SPRY3: variants seen among roughly 807,000 people sequenced by gnomAD.
The protein encoded by SPRY3 is sprouty RTK signaling antagonist 3, also known as protein sprouty homolog 3.
Under a neutral mutation model 20.2 loss-of-function variants are expected in SPRY3, and 15 were observed. That is an observed-to-expected ratio of 0.74 (90% CI 0.50 to 1.14). SPRY3 has a LOEUF of 1.14. SPRY3 is among the 50% of genes most tolerant of loss of function. The pLI is 0.00. For missense variants in SPRY3, 364 were observed against 363.9 expected (o/e 1.00, Z 0.00); for synonymous variants, 143 against 136.5 (o/e 1.05, Z -0.33).
intron 2 of SPRY3, among the ~76,000 whole-genome samples, chrX:155,757,853 G>T (rs1291194257): frequency 6.6e-6 from 1 of 152,158 alleles, no homozygotes; most frequent in Non-Finnish European, 1.5e-5. Flanking sequence ...GTGGTCACAT[G>T]AGATGGGTGC....
At chrX:155,670,824 C>T (rs1250136807) in intron 2 of SPRY3, among the ~76,000 whole-genome samples, 2 of 111,711 alleles carry the variant, frequency 1.8e-5, no homozygotes, top group Admixed American at 9.5e-5. Flanking sequence ...TAAGGCAGAA[C>T]GAGGGCTACA....
chrX:155,765,056 T>A (rs1360297960), intron 2 of SPRY3, among the ~76,000 whole-genome samples: 1 of 152,174 alleles, frequency 6.6e-6, no homozygotes, highest in Admixed American at 6.5e-5. Flanking sequence ...ATAAGAGAAC[T>A]AATCCCATTC....
chrX:155,662,870 C>T (rs781786624), intron 2 of SPRY3, among the ~76,000 whole-genome samples: 2 of 110,953 alleles, frequency 1.8e-5, no homozygotes, highest in Non-Finnish European at 3.8e-5. Context: ...GGTGACATCA[C>T]CTAATTCCCC....
chrX:155,736,700 G>A (rs1291219676), intron 2 of SPRY3, among the ~76,000 whole-genome samples: 6 of 151,736 alleles, frequency 4.0e-5, no homozygotes, highest in African/African-American at 7.3e-5. Context: ...CTCCTGCTTG[G>A]TATTCACTGA....
At chrX:155,753,339 TTATAA>T (rs1352520708) in intron 2 of SPRY3, among the ~76,000 whole-genome samples, 4 of 151,840 alleles carry the variant, frequency 2.6e-5, no homozygotes, top group African/African-American at 9.7e-5. Flanking sequence ...TAAATGAATA[TTATAA>T]TATATGACCT....
At chrX:155,615,359 C>T (rs1280567664) in intron 1 of SPRY3, among the ~76,000 whole-genome samples, 1 of 112,225 alleles carries the variant, frequency 8.9e-6, no homozygotes, top group African/African-American at 3.2e-5. Context: ...TTATCAGCCT[C>T]TCAGTGAAGC....
At chrX:155,713,213 CT>C (rs1449957632) in intron 2 of SPRY3, among the ~76,000 whole-genome samples, 7 of 151,924 alleles carry the variant, frequency 4.6e-5, no homozygotes, top group African/African-American at 1.7e-4. Context: ...ATTATTTATT[CT>C]TTCTATGTAA....
chrX:155,758,643 A>G (rs1256116062), intron 2 of SPRY3, among the ~76,000 whole-genome samples: 1 of 152,128 alleles, frequency 6.6e-6, no homozygotes, highest in African/African-American at 2.4e-5. Flanking sequence ...CAGGCTCTCA[A>G]ATGGATTTGG....
intron 3 of SPRY3, among the ~76,000 whole-genome samples, chrX:155,772,171 G>A (rs1176755724): frequency 1.3e-5 from 2 of 152,180 alleles, no homozygotes; most frequent in Non-Finnish European, 1.5e-5. Context: ...GTTCTTTGAT[G>A]TGATATGCCA....
chrX:155,769,780 A>T (rs1361322257), intron 3 of SPRY3, among the ~76,000 whole-genome samples: 1 of 152,194 alleles, frequency 6.6e-6, no homozygotes, highest in Non-Finnish European at 1.5e-5. Flanking sequence ...CAAAGTGACA[A>T]GTTAAGAGTT....
At chrX:155,673,252 A>C (rs913805247) in intron 2 of SPRY3, among the ~76,000 whole-genome samples, 3 of 108,091 alleles carry the variant, frequency 2.8e-5, no homozygotes, top group African/African-American at 1.0e-4. Flanking sequence ...TAACATGTTA[A>C]AAAAAAAAAC....
chrX:155,757,510 G>A lies in SPRY3; in HGVS notation c.-281-10452G>A, dbSNP rs185466398. Among the ~76,000 whole-genome samples the A allele has an allele frequency of 1.2e-4, 19 of 152,174 alleles. 1 individual carries two copies. In the East Asian group the frequency reaches 3.5e-3, roughly 28 times the overall value. On this transcript the variant is annotated intron_variant, in intron 2 of 3. Transcript: ENST00000675360. ...TGTCTGATAGGTAGTTGGATATGTGGGTCTAGAGTTCAGCTAGAGGTCTGA... is the reference window on the plus strand; with the variant it reads ...TGTCTGATAGGTAGTTGGATATGTGAGTCTAGAGTTCAGCTAGAGGTCTGA...
intron 1 of SPRY3, among the ~76,000 whole-genome samples, chrX:155,654,433 G>T (rs782652869): frequency 1.6e-4 from 18 of 110,715 alleles, no homozygotes; most frequent in African/African-American, 5.9e-4. Context: ...CTGAATAGTG[G>T]CTCTTATATC....
rs753210112 is a variant in SPRY3, at chrX:155,699,337, G to A, written c.-282+42312G>A. The stretch of plus-strand genomic sequence containing the variant: ...AGACACAACAAGAACCTTGTAAGAA[G>A]CATTGAGCTAGAATAGTTGACAACG... On this transcript the variant is annotated intron_variant, in intron 2 of 3. Transcript: ENST00000675360. Among the ~76,000 whole-genome samples, 4 of 111,800 alleles carry A rather than the reference G, an allele frequency of 3.6e-5. No homozygotes were observed. In the East Asian group the frequency reaches 1.1e-3, roughly 32 times the overall value.
chrX:155,713,089 T>C (rs1303563451), intron 2 of SPRY3, among the ~76,000 whole-genome samples: 1 of 151,964 alleles, frequency 6.6e-6, no homozygotes, highest in East Asian at 1.9e-4. Context: ...GTTCATCATT[T>C]AATCTTTCTT....
At chrX:155,636,644 T>A (rs1557351060) in intron 1 of SPRY3, among the ~76,000 whole-genome samples, 1 of 111,460 alleles carries the variant, frequency 9.0e-6, no homozygotes, top group Non-Finnish European at 1.9e-5. Flanking sequence ...AATTTATTTT[T>A]ATTTCTCTTC....
At chrX:155,717,563 C>G (rs1026946402) in intron 2 of SPRY3, among the ~76,000 whole-genome samples, 2 of 151,990 alleles carry the variant, frequency 1.3e-5, no homozygotes, top group Non-Finnish European at 2.9e-5. Context: ...TCTTGCCCCC[C>G]ACCCCCTGAC....
intron 2 of SPRY3, among the ~76,000 whole-genome samples, chrX:155,723,924 C>A (rs944442497): frequency 1.3e-5 from 2 of 152,134 alleles, no homozygotes; most frequent in African/African-American, 4.8e-5. Context: ...TTAGGTCTAA[C>A]ATTTAAGTCT....
In SPRY3 at chrX:155,738,990, A is replaced by T. The variant is rs146035460; in HGVS notation, c.-281-28972A>T. Among the ~76,000 whole-genome samples, 222 of 152,002 alleles carry T rather than the reference A, an allele frequency of 1.5e-3. No homozygotes were observed. The East Asian group carries it at 0.02, about 14-fold the overall frequency. The stretch of plus-strand genomic sequence containing the variant: ...CACTGGGTTAGAATTCCAGCTGGCC[A>T]GAGGCAGCAGGCTGGAGATGGCCAG... On this transcript the variant is annotated intron_variant, in intron 2 of 3. Transcript: ENST00000675360.
Sources: allele counts gnomAD v4.1 joint callset (sites outside exome capture counted in the v4.1 genomes callset), GRCh38; gene constraint gnomAD v4.1.1; transcripts MANE v1.5; gene names NCBI Gene and HGNC (gene_info 2026-07-23, HGNC 2026-07-21).